The following SHD variants were observed in gnomAD, a reference collection of about 807,000 sequenced individuals.
SHD encodes SH2 domain-containing adapter protein D.
In SHD, 29 loss-of-function variants were observed where a neutral mutation model predicts 31.2. That is an observed-to-expected ratio of 0.93 (90% CI 0.69 to 1.27). The LOEUF is 1.27. Ranked by LOEUF, SHD falls within the 50% of genes most tolerant of loss-of-function variation. The probability of loss-of-function intolerance (pLI) is 0.00; values close to 1 mark genes in which losing one functional copy is unlikely to be tolerated. For missense variants in SHD, 520 were observed against 453.8 expected (o/e 1.15, Z -1.33); for synonymous variants, 208 against 187.8 (o/e 1.11, Z -0.88).
chr19:4,280,281 C>G lies in SHD; in HGVS notation c.218C>G (p.Ser73Cys), dbSNP rs553909831. 14 of 1,612,590 alleles carry G rather than the reference C, an allele frequency of 8.7e-6. No homozygotes were observed. Among genetic ancestry groups the G allele is most frequent in the Middle Eastern group, 1.7e-4 (1 of 6,054 alleles). ...SKNPGDAKYG[S>C]PKHRLIKVEA... ...AACCCCGGAGATGCCAAGTATGGTTCTCCCAAGCACCGGCTCATCAAGGTG... is the reference window on the plus strand; with the variant it reads ...AACCCCGGAGATGCCAAGTATGGTTGTCCCAAGCACCGGCTCATCAAGGTG... The change falls in exon 1 of 6, where the codon TCT becomes TGT. Residue 73 changes from serine to cysteine, a missense_variant. Transcript: ENST00000543264.
intron 3 of SHD, 130 bp downstream of exon 3, chr19:4,283,372 A>C: frequency 2.2e-4 from 217 of 973,056 alleles, no homozygotes; most frequent in Non-Finnish European, 3.1e-4. Flanking sequence ...GTTAATTCTC[A>C]CTAGAGTGTG....
rs541742493 is a variant in SHD, at chr19:4,280,385, G to T, written c.297+25G>T. ...GGTGCGTGGCTGGGTGGCCTGGGGA[G>T]ACTGGGTGGAGGGGAGGCTCAGGAT... On this transcript the variant is annotated intron_variant, in intron 1 of 5. Coordinates refer to ENST00000543264, the MANE Select transcript of SHD (RefSeq NM_020209.4). 5.8e-6 allele frequency: 9 copies of T among 1,539,338 alleles called. No homozygotes were observed. In the South Asian group the frequency reaches 9.6e-5, roughly 16 times the overall value.
At chr19:4,289,582 A>T (rs536530471) in intron 5 of SHD, among the ~76,000 whole-genome samples, 125 of 147,582 alleles carry the variant, frequency 8.5e-4, no homozygotes, top group Admixed American at 1.4e-3. Context: ...TTATTTATTT[A>T]TTTTTTGAGA....
intron 4 of SHD, among the ~76,000 whole-genome samples, chr19:4,286,257 TTC>T (rs879317875): frequency 9.7e-5 from 12 of 124,108 alleles, no homozygotes; most frequent in Admixed American, 5.0e-4. Flanking sequence ...CTTTCTTTCT[TTC>T]TCTCTTTCTT....
chr19:4,290,126 T>C (rs1971361632), intron 5 of SHD, among the ~76,000 whole-genome samples: 1 of 151,952 alleles, frequency 6.6e-6, no homozygotes, highest in Non-Finnish European at 1.5e-5. Flanking sequence ...TCTGCCTGAC[T>C]CGGCCTCCCA....
In SHD at chr19:4,283,188, G is replaced by A. The variant is rs748624213; in HGVS notation, c.538G>A (p.Glu180Lys). Reference protein sequence around the residue: ...MPQEDERPADEYDQPWEWKKD... With the variant: ...MPQEDERPADKYDQPWEWKKD... ...CCAGGAAGATGAACGGCCAGCAGATGAGTATGATCAGCCCTGGGAGTGGAA... is the reference window on the plus strand; with the variant it reads ...CCAGGAAGATGAACGGCCAGCAGATAAGTATGATCAGCCCTGGGAGTGGAA... The change falls in exon 3 of 6, where the codon GAG becomes AAG. Residue 180 changes from glutamate to lysine, a missense_variant. Transcript: ENST00000543264. 1 of 1,614,162 alleles carries A rather than the reference G, an allele frequency of 6.2e-7. No individual in the cohort carries two copies. The highest frequency in any genetic ancestry group is 1.1e-5 in the South Asian group (1 of 91,086).
intron 4 of SHD, among the ~76,000 whole-genome samples, chr19:4,285,475 T>A (rs1370814880): frequency 6.6e-6 from 1 of 152,114 alleles, no homozygotes; most frequent in Non-Finnish European, 1.5e-5. Flanking sequence ...CCCTAAAATC[T>A]CTTCGGTGGG....
chr19:4,279,804 T>C lies in SHD; in HGVS notation c.-260T>C. ...TTCGGGGCCCTGCGAGGTCCCCCCTTCCCCCGCGGTGCTTCCCAAGCTGGG... is the reference window on the plus strand; with the variant it reads ...TTCGGGGCCCTGCGAGGTCCCCCCTCCCCCCGCGGTGCTTCCCAAGCTGGG... On this transcript the variant is annotated 5_prime_UTR_variant, in exon 1 of 6. Coordinates refer to ENST00000543264, the MANE Select transcript of SHD (RefSeq NM_020209.4). This position sits in a 1 kb window ranked among gnomAD's most constrained non-coding sequence, Gnocchi z 7.5. 2.0e-6 allele frequency: 1 copy of C among 504,058 alleles called. No individual in the cohort carries two copies. Among genetic ancestry groups the C allele is most frequent in the South Asian group, 2.9e-5 (1 of 34,548 alleles). 31.2% of individuals were successfully genotyped at this position (504,058 alleles called of 1,614,324 possible).
At chr19:4,286,350 T>TTCTTTCTTTCTC (rs1568369547) in intron 4 of SHD, among the ~76,000 whole-genome samples, 14 of 136,750 alleles carry the variant, frequency 1.0e-4, no homozygotes, top group African/African-American at 3.9e-4. Flanking sequence ...CTTTCTCTCT[T>TTCTTTCTTTCTC]TCTTTCTTTC....
intron 1 of SHD, among the ~76,000 whole-genome samples, chr19:4,280,833 T>A (rs1300012263): frequency 6.6e-6 from 1 of 152,024 alleles, no homozygotes; most frequent in Non-Finnish European, 1.5e-5. Context: ...GGTGGATATC[T>A]GTCCCTTTTC....
In SHD at chr19:4,279,473, T is replaced by C. The variant is rs1416451213; in HGVS notation, c.-591T>C. ...GGCCGCGGGACTGGGGGCTCCCCGC[T>C]GAGCCGAGAGGAGCGCGACAAAGGA... is the stretch of plus-strand genomic sequence containing the variant. On this transcript the variant is annotated 5_prime_UTR_variant, in exon 1 of 6. Transcript: ENST00000543264. This position sits in a 1 kb window ranked among gnomAD's most constrained non-coding sequence, Gnocchi z 7.5. 2.6e-5 allele frequency: 4 copies of C among 152,262 alleles called. No homozygotes were observed. Among genetic ancestry groups the C allele is most frequent in the Non-Finnish European group, 1.5e-5 (1 of 68,120 alleles). 9.4% of individuals were successfully genotyped at this position (152,262 alleles called of 1,614,324 possible).
Position 4,284,779 on chromosome 19 carries a change from A to C in SHD, c.593-2A>C. 6.3e-7 allele frequency: 1 copy of C among 1,597,024 alleles called. No homozygotes were observed. The highest frequency in any genetic ancestry group is 1.7e-5 in the Admixed American group (1 of 58,906). On this transcript the variant is annotated splice_acceptor_variant, in intron 3 of 5. Transcript: ENST00000543264. LOFTEE classifies it high-confidence loss of function. ...CCTTTCCTCTCTAAATCTCCTTTCC[A>C]GTGCAGTTTGACAGTCCAGAGTGGG...
intron 5 of SHD, 79 bp downstream of exon 5, chr19:4,288,441 G>A (rs1203056443): frequency 1.4e-6 from 2 of 1,474,786 alleles, no homozygotes; most frequent in Non-Finnish European, 9.1e-7. Flanking sequence ...GAGGGAAGGG[G>A]AGGGTGTGGC....
intron 5 of SHD, among the ~76,000 whole-genome samples, chr19:4,289,405 C>T (rs12979391): frequency 0.38 from 57,859 of 150,882 alleles, 11,409 homozygotes; most frequent in Admixed American, 0.49. Context: ...GCCGCCATGC[C>T]CGGCTAATTT....
intron 4 of SHD, among the ~76,000 whole-genome samples, chr19:4,286,310 T>C (rs865971579): frequency 7.1e-6 from 1 of 141,364 alleles, no homozygotes; most frequent in Non-Finnish European, 1.5e-5. Flanking sequence ...CTTCCTTCCT[T>C]CCTTCCTACC....
At chr19:4,280,412 G>A in intron 1 of SHD, 52 bp downstream of exon 1, 2 of 1,502,002 alleles carry the variant, frequency 1.3e-6, no homozygotes, top group Non-Finnish European at 1.8e-6. Context: ...GCTCAGGATG[G>A]GCTCTCTGGA....
intron 1 of SHD, among the ~76,000 whole-genome samples, chr19:4,281,991 G>A (rs1971260931): frequency 6.6e-6 from 1 of 152,192 alleles, no homozygotes; most frequent in South Asian, 2.1e-4. Flanking sequence ...GCACGGAGAA[G>A]CACTGAAGTG....
chr19:4,285,121 C>T (rs550459779), intron 4 of SHD, among the ~76,000 whole-genome samples: 21 of 152,318 alleles, frequency 1.4e-4, no homozygotes, highest in African/African-American at 5.1e-4. Flanking sequence ...GTCCCTTTTC[C>T]TTTGGTATCA....
intron 5 of SHD, among the ~76,000 whole-genome samples, chr19:4,289,829 C>G (rs1971358338): frequency 1.3e-5 from 2 of 151,748 alleles, no homozygotes; most frequent in Non-Finnish European, 2.9e-5. Context: ...CCTTGGCCTC[C>G]CAAAGTGCTG....
Sources: allele counts gnomAD v4.1 joint callset (sites outside exome capture counted in the v4.1 genomes callset), GRCh38; gene constraint gnomAD v4.1.1; non-coding constraint Gnocchi (gnomAD v3.1); transcripts MANE v1.5; gene names NCBI Gene and HGNC (gene_info 2026-07-23, HGNC 2026-07-21).